ALDH7A1: variants seen among roughly 807,000 people sequenced by gnomAD.
The protein encoded by ALDH7A1 is aldehyde dehydrogenase 7 family member A1, also known as alpha-aminoadipic semialdehyde dehydrogenase.
A neutral mutation model predicts 79.9 loss-of-function variants in ALDH7A1; 63 were observed. The ratio of observed to expected loss-of-function variants is 0.79; its 90% CI spans 0.64 to 0.97. ALDH7A1 has a LOEUF of 0.97. Ranked by LOEUF, ALDH7A1 falls within the 50% of genes least tolerant of loss-of-function variation. ALDH7A1 has a pLI of 0.00. For synonymous variants in ALDH7A1, 240 were observed against 231.2 expected, an observed-to-expected ratio of 1.04 and a Z score of -0.34; for missense variants, 627 against 665.2, an observed-to-expected ratio of 0.94 and a Z score of 0.63.
At position 126,550,244 on chromosome 5, in the gene ALDH7A1, G is replaced by C; in HGVS notation, c.1367C>G (p.Ser456Ter). The C allele has an allele frequency of 6.2e-7, 1 of 1,613,582 alleles. No individual in the cohort carries two copies. The highest frequency in any genetic ancestry group is 8.5e-7 in the Non-Finnish European group (1 of 1,179,944). ...CAGATCTTTGGTAAAGATGCTACTT[G>C]AAAGTCCCTGTTTTACTTCATTATT... Reference protein sequence around the residue: ...AWNNEVKQGLSSSIFTKDLGR... With the variant: ...AWNNEVKQGL Residue 456 changes from serine (S) to a stop codon, truncating the protein, a stop_gained, in exon 15 of 18, where the codon TCA (serine) becomes TGA (stop). Transcript: ENST00000409134. LOFTEE classifies it high-confidence loss of function.
chr5:126,585,657 G>A (rs997962303), intron 3 of ALDH7A1, among the ~76,000 whole-genome samples: 3 of 152,138 alleles, frequency 2.0e-5, no homozygotes, highest in African/African-American at 7.2e-5. Context: ...TGCCTCCTGG[G>A]TTCAAGTGAT....
At chr5:126,559,361 A>G in intron 10 of ALDH7A1, 27 bp from the exon 11 acceptor site, 2 of 1,560,186 alleles carry the variant, frequency 1.3e-6, no homozygotes, top group Non-Finnish European at 1.8e-6. Context: ...CACTTCCATC[A>G]GCGAACCAAA....
chr5:126,566,600 T>A (rs1256229882), intron 9 of ALDH7A1, among the ~76,000 whole-genome samples: 1 of 152,136 alleles, frequency 6.6e-6, no homozygotes, highest in Non-Finnish European at 1.5e-5. Context: ...AATATTATCC[T>A]CAAAAACCTT....
intron 12 of ALDH7A1, 53 bp downstream of exon 12, chr5:126,555,878 T>G (rs1397998439): frequency 1.4e-6 from 2 of 1,419,808 alleles, no homozygotes; most frequent in Non-Finnish European, 1.0e-6. Flanking sequence ...GAAACACTTG[T>G]TAACAACAGC....
chr5:126,541,945 A>G lies in ALDH7A1; in HGVS notation c.*3020T>C, dbSNP rs1344265690. 7.9e-6 allele frequency: 1 copy of G among 126,026 alleles called. No homozygotes were observed. The highest frequency in any genetic ancestry group is 1.6e-5 in the Non-Finnish European group (1 of 61,622). 7.8% of individuals were successfully genotyped at this position (126,026 alleles called of 1,614,324 possible). ...GATTAAAGACAAAAATGTCAATAAA[A>G]CATTTGTGGACCTTTCCAATAGAAA... On this transcript the variant is annotated 3_prime_UTR_variant, in exon 18 of 18. Coordinates refer to ENST00000409134, the MANE Select transcript of ALDH7A1 (RefSeq NM_001182.5).
Position 126,583,991 on chromosome 5 carries a change from C to T in ALDH7A1, c.334G>A (p.Glu112Lys). Residue 112 changes from glutamate to lysine, a missense_variant, in exon 4 of 18, where the codon GAA (glutamate) becomes AAA (lysine). Glu to Lys is a moderately conservative substitution (Grantham distance 56, BLOSUM62 1). Coordinates refer to ENST00000409134, the MANE Select transcript of ALDH7A1 (RefSeq NM_001182.5). ...WADIPAPKRG[E>K]IVRQIGDALR... ...GCATCGCCAATCTGTCTTACTATTTCTCCTCGTTTTGGAGCAGGAATCTAA... is the reference window on the plus strand; with the variant it reads ...GCATCGCCAATCTGTCTTACTATTTTTCCTCGTTTTGGAGCAGGAATCTAA... 3 of 1,614,182 alleles carry T rather than the reference C, an allele frequency of 1.9e-6. No homozygotes were observed. Among genetic ancestry groups the T allele is most frequent in the Non-Finnish European group, 1.7e-6 (2 of 1,180,006 alleles).
At chr5:126,552,942 A>G (rs576881265) in intron 13 of ALDH7A1, among the ~76,000 whole-genome samples, 24 of 150,950 alleles carry the variant, frequency 1.6e-4, no homozygotes, top group African/African-American at 5.4e-4. Context: ...GGGTCTCACT[A>G]TGTTGTCCAG....
intron 9 of ALDH7A1, chr5:126,564,405 C>T: frequency 1.7e-6 from 1 of 595,212 alleles, no homozygotes; most frequent in Non-Finnish European, 2.4e-6. Context: ...ACCTCAGCCT[C>T]CCAAAGTGCT....
At position 126,542,165 on chromosome 5, in the gene ALDH7A1, A is replaced by C. The variant is rs1035135579; in HGVS notation, c.*2800T>G. The C allele has an allele frequency of 4.6e-5, 7 of 151,818 alleles. No individual in the cohort carries two copies. Among genetic ancestry groups the C allele is most frequent in the African/African-American group, 7.3e-5 (3 of 41,350 alleles). The allele number at this position is 151,818 out of a possible 1,614,324, so 9.4% of individuals were successfully genotyped here. On this transcript the variant is annotated 3_prime_UTR_variant, in exon 18 of 18. Transcript: ENST00000409134. ...GGTGTAGAAAAAAAAAAAAAAAAAA[A>C]AGTTTGTTGGAGACCATAGGAATTT...
chr5:126,592,730 C>T lies in ALDH7A1; in HGVS notation c.247-1G>A. ...TTTCTTCATAGTCTGCCACACTGGC[C>T]TAAATTAAGAATTAGGGGGACAGAA... On this transcript the variant is annotated splice_acceptor_variant, in intron 2 of 17. Coordinates refer to ENST00000409134, the MANE Select transcript of ALDH7A1 (RefSeq NM_001182.5). LOFTEE classifies it high-confidence loss of function. 1 of 1,613,368 alleles carries T rather than the reference C, an allele frequency of 6.2e-7. No homozygotes were observed. Among genetic ancestry groups the T allele is most frequent in the Non-Finnish European group, 8.5e-7 (1 of 1,179,650 alleles).
intron 7 of ALDH7A1, among the ~76,000 whole-genome samples, chr5:126,573,523 C>A (rs1029874327): frequency 1.1e-4 from 17 of 151,860 alleles, no homozygotes; most frequent in Non-Finnish European, 2.1e-4. Context: ...CATGGTGAAA[C>A]CCCATCTCTA....
chr5:126,568,621 A>G, intron 8 of ALDH7A1: 1 of 461,012 alleles, frequency 2.2e-6, no homozygotes, highest in Non-Finnish European at 4.0e-6. Flanking sequence ...AGTCTTTCCT[A>G]TACTGAGTGA....
chr5:126,577,320 G>T, intron 5 of ALDH7A1, 109 bp from the exon 6 acceptor site: 1 of 1,419,644 alleles, frequency 7.0e-7, no homozygotes, highest in Non-Finnish European at 9.8e-7. Context: ...ATGCCTTATA[G>T]TGGGAAATTG....
In ALDH7A1 at chr5:126,595,126, G is replaced by T; in HGVS notation, c.73C>A (p.Pro25Thr). Residue 25 changes from proline (P) to threonine (T), a missense_variant, in exon 1 of 18, where the codon CCT becomes ACT. Pro to Thr is a conservative substitution (Grantham distance 38, BLOSUM62 -1). Transcript: ENST00000409134. ...TSKLSGPWSR[P>T]AAFMSTLLIN... ...AGGAGAGTGGACATGAAGGCGGCAG[G>T]CCTGCTCCAAGGTCCAGAGAGCTTG... 1 of 1,576,684 alleles carries T rather than the reference G, an allele frequency of 6.3e-7. No individual in the cohort carries two copies. Among genetic ancestry groups the T allele is most frequent in the East Asian group, 2.3e-5 (1 of 42,674 alleles).
intron 9 of ALDH7A1, chr5:126,561,708 A>G (rs1750411291): frequency 1.3e-5 from 2 of 152,246 alleles, no homozygotes; most frequent in African/African-American, 4.8e-5. Context: ...GCCCAGTCTT[A>G]TCTGACATTA....
chr5:126,575,526 CT>C, intron 6 of ALDH7A1, 62 bp from the exon 7 acceptor site: 1 of 1,435,998 alleles, frequency 7.0e-7, no homozygotes. Flanking sequence ...CCATAAATAC[CT>C]TTTATTATCA....
chr5:126,552,133 A>AT lies in ALDH7A1; in HGVS notation c.1204dup (p.Met402AsnfsTer36). On this transcript the variant is annotated frameshift_variant, in exon 14 of 18. Coordinates refer to ENST00000409134, the MANE Select transcript of ALDH7A1 (RefSeq NM_001182.5). LOFTEE classifies it high-confidence loss of function. The stretch of plus-strand genomic sequence containing the variant: ...TTCTACATAATTTCCAGGGCGATCC[A>AT]TAACCTAATGCAGAGAAATGAAATA... 1 of 1,612,698 alleles carries AT rather than the reference A, an allele frequency of 6.2e-7. No homozygotes were observed. The highest frequency in any genetic ancestry group is 8.5e-7 in the Non-Finnish European group (1 of 1,178,700).
At chr5:126,592,893 A>G (rs1751598134) in intron 2 of ALDH7A1, among the ~76,000 whole-genome samples, 164 bp from the exon 3 acceptor site, 1 of 152,250 alleles carries the variant, frequency 6.6e-6, no homozygotes, top group African/African-American at 2.4e-5. Context: ...AAAACTAGCT[A>G]GAACCCGGTA....
At chr5:126,567,291 C>T (rs1289982630) in intron 9 of ALDH7A1, among the ~76,000 whole-genome samples, 2 of 152,202 alleles carry the variant, frequency 1.3e-5, no homozygotes, top group Non-Finnish European at 2.9e-5. Flanking sequence ...CTCCTTTGTT[C>T]AGTGTACTGT....
Sources: gnomAD v4.1 joint callset for allele counts (sites outside exome capture counted in the v4.1 genomes callset) on GRCh38, gnomAD v4.1.1 for gene constraint, MANE v1.5 for transcripts, NCBI Gene and HGNC (gene_info 2026-07-23, HGNC 2026-07-21) for gene names.